ANKMY1: variants seen among roughly 807,000 people sequenced by gnomAD.
ANKMY1 encodes ankyrin repeat and MYND domain-containing protein 1.
Under a neutral mutation model 102.0 loss-of-function variants are expected in ANKMY1, and 98 were observed. The observed-to-expected ratio is 0.96, with a 90% confidence interval of 0.82 to 1.14. ANKMY1 has a LOEUF of 1.14. Among genes scored for constraint, ANKMY1 ranks in the 50% most tolerant of loss-of-function variants. The pLI is 0.00. For missense variants in ANKMY1, 1,330 were observed against 1,347.6 expected, an observed-to-expected ratio of 0.99 and a Z score of 0.20; for synonymous variants, 582 against 559.9, an observed-to-expected ratio of 1.04 and a Z score of -0.56.
In ANKMY1 at chr2:240,557,973, C is replaced by G. The variant is rs2125303494; in HGVS notation, c.-110G>C. ...CCCGCGCTCCCGTCCCGACTGCTTGCCAGCCCTGCGCCTACGGAGAGCGTC... is the reference window on the plus strand; with the variant it reads ...CCCGCGCTCCCGTCCCGACTGCTTGGCAGCCCTGCGCCTACGGAGAGCGTC... On this transcript the variant is annotated 5_prime_UTR_variant, in exon 1 of 18. Transcript: ENST00000401804. The G allele has an allele frequency of 4.1e-6, 4 of 985,668 alleles. No homozygotes were observed. In the South Asian group the frequency reaches 1.4e-4, roughly 35 times the overall value. The allele number at this position is 985,668 out of a possible 1,614,324, so 61.1% of individuals were successfully genotyped here.
At chr2:240,548,310 A>G (rs929735770) in intron 4 of ANKMY1, among the ~76,000 whole-genome samples, 12 of 152,218 alleles carry the variant, frequency 7.9e-5, no homozygotes, top group Non-Finnish European at 8.8e-5. Context: ...ACAAAATTCA[A>G]CAACACTTCA....
At chr2:240,527,539 A>C (rs1174620175) in intron 5 of ANKMY1, 24 of 139,294 alleles carry the variant, frequency 1.7e-4, no homozygotes, top group Middle Eastern at 3.8e-3. Context: ...TGATGGATGA[A>C]TGGATGGAAA....
At chr2:240,553,392 C>T in intron 3 of ANKMY1, 1 of 295,966 alleles carries the variant, frequency 3.4e-6, no homozygotes, top group South Asian at 3.5e-5. Context: ...AGGGTCCTGT[C>T]CCCACTCAGG....
intron 4 of ANKMY1, among the ~76,000 whole-genome samples, chr2:240,542,003 A>G (rs1006269862): frequency 6.6e-6 from 1 of 151,554 alleles, no homozygotes; most frequent in East Asian, 2.0e-4. Context: ...TGAGGTCAGG[A>G]GTTTGAGACC....
At chr2:240,505,989 T>A (rs112110239) in intron 13 of ANKMY1, among the ~76,000 whole-genome samples, 4,400 of 152,216 alleles carry the variant, frequency 0.029, 83 homozygotes, top group Middle Eastern at 0.054. Flanking sequence ...GACAGCATGG[T>A]TAGGGTTGGC....
intron 15 of ANKMY1, among the ~76,000 whole-genome samples, chr2:240,496,755 C>G (rs2077321498): frequency 6.6e-6 from 1 of 152,172 alleles, no homozygotes; most frequent in Non-Finnish European, 1.5e-5. Flanking sequence ...CTGATAATTG[C>G]TGGCTGATTG....
intron 9 of ANKMY1, among the ~76,000 whole-genome samples, chr2:240,516,102 C>T (rs2081158531): frequency 6.6e-6 from 1 of 150,852 alleles, no homozygotes; most frequent in South Asian, 2.1e-4. Context: ...TTAGGTCTTA[C>T]TGTTTGGGAA....
chr2:240,520,493 G>C lies in ANKMY1; in HGVS notation c.1873C>G (p.Arg625Gly). 2 of 1,613,248 alleles carry C rather than the reference G, an allele frequency of 1.2e-6. No individual in the cohort carries two copies. Among genetic ancestry groups the C allele is most frequent in the South Asian group, 2.2e-5 (2 of 91,048 alleles). The change falls in exon 9 of 18, where the codon CGG becomes GGG. Residue 625 changes from arginine to glycine, a missense_variant. Arg to Gly is a moderately radical substitution (Grantham distance 125). Coordinates refer to ENST00000401804, the MANE Select transcript of ANKMY1 (RefSeq NM_001282771.3). The surrounding 1 kb of genome is among the most constrained non-coding windows in gnomAD (Gnocchi z 4.8). ...CAGCACAGGTTGGGGTCCGCGCCCC[G>C]GCGCAGCAGCAGCTTGATGGTCCGC... ...RWRTIKLLLR[R>G]GADPNLCCVP...
intron 15 of ANKMY1, among the ~76,000 whole-genome samples, chr2:240,485,798 G>T (rs2075994338): frequency 6.6e-6 from 1 of 152,006 alleles, no homozygotes; most frequent in South Asian, 2.1e-4. Context: ...TTGCCATGTT[G>T]CCCAGGTTGG....
chr2:240,498,194 G>GA (rs774720414), intron 15 of ANKMY1, among the ~76,000 whole-genome samples: 1 of 147,272 alleles, frequency 6.8e-6, no homozygotes, highest in Admixed American at 6.9e-5. Context: ...GTTGGGGGGG[G>GA]ACATATGGGA....
At chr2:240,546,131 A>C (rs2090314983) in intron 4 of ANKMY1, among the ~76,000 whole-genome samples, 1 of 152,228 alleles carries the variant, frequency 6.6e-6, no homozygotes, top group Admixed American at 6.5e-5. Context: ...TTACCCTCAA[A>C]GGGAAGCTCG....
chr2:240,475,822 T>C (rs553110155), downstream of ANKMY1, among the ~76,000 whole-genome samples: 7 of 152,140 alleles, frequency 4.6e-5, no homozygotes, highest in South Asian at 8.3e-4. Flanking sequence ...GAATATATAC[T>C]GCAAACTATA....
chr2:240,542,945 T>C (rs1272224553), intron 4 of ANKMY1, among the ~76,000 whole-genome samples: 1 of 150,730 alleles, frequency 6.6e-6, no homozygotes, highest in Non-Finnish European at 1.5e-5. Flanking sequence ...TTATAATTAC[T>C]TAATAAAAAT....
At chr2:240,503,441 G>A (rs562307489) in intron 13 of ANKMY1, among the ~76,000 whole-genome samples, 1 of 152,330 alleles carries the variant, frequency 6.6e-6, no homozygotes, top group Non-Finnish European at 1.5e-5. Context: ...TTCCTTGGCC[G>A]TTCAAAGACA....
chr2:240,468,675 C>A, the ANKMY1 span, among the ~76,000 whole-genome samples: 1 of 152,206 alleles, frequency 6.6e-6, no homozygotes, highest in South Asian at 2.1e-4. Context: ...GCAGCCAGTA[C>A]AGGTTGGTCT....
At chr2:240,495,076 G>A (rs576611559) in intron 15 of ANKMY1, among the ~76,000 whole-genome samples, 12 of 152,268 alleles carry the variant, frequency 7.9e-5, no homozygotes, top group Admixed American at 5.9e-4. Context: ...GGTGAGAAGT[G>A]ACCAGAAGAC....
chr2:240,501,927 C>T (rs1388832478), intron 13 of ANKMY1, among the ~76,000 whole-genome samples: 2 of 152,194 alleles, frequency 1.3e-5, no homozygotes, highest in African/African-American at 4.8e-5. Context: ...AGACCCCCAT[C>T]GTCTTCACTC....
At chr2:240,480,649 G>A (rs2075273486) in intron 17 of ANKMY1, among the ~76,000 whole-genome samples, 1 of 152,090 alleles carries the variant, frequency 6.6e-6, no homozygotes, top group South Asian at 2.1e-4. Flanking sequence ...GCTCCCAGGT[G>A]TCAGCAGAGC....
At chr2:240,557,088 TAA>T in intron 2 of ANKMY1, 100 bp downstream of exon 2, 1 of 1,260,846 alleles carries the variant, frequency 7.9e-7, no homozygotes, top group Non-Finnish European at 1.0e-6. Context: ...TCTCAGGGAG[TAA>T]CACAGTTCAG....
Sources: allele counts gnomAD v4.1 joint callset (sites outside exome capture counted in the v4.1 genomes callset), GRCh38; gene constraint gnomAD v4.1.1; non-coding constraint Gnocchi (gnomAD v3.1); transcripts MANE v1.5; gene names NCBI Gene and HGNC (gene_info 2026-07-23, HGNC 2026-07-21).